DSCAM: variants seen among roughly 807,000 people sequenced by gnomAD.
DSCAM encodes the protein DS cell adhesion molecule.
DSCAM carries 47 observed loss-of-function variants against 217.7 expected under a neutral mutation model. That is an observed-to-expected ratio of 0.22 (90% CI 0.17 to 0.28). The LOEUF (loss-of-function observed/expected upper bound fraction) is 0.28, where lower values mean the gene tolerates loss of function less well. Ranked by LOEUF, DSCAM falls within the 10% of genes least tolerant of loss-of-function variation. DSCAM has a pLI of 1.00. For synonymous variants in DSCAM, 1,056 were observed against 1,015.3 expected (o/e 1.04, Z -0.76); for missense variants, 2,080 against 2,618.3 (o/e 0.79, Z 4.49).
At chr21:40,251,696 A>C (rs973089139) in intron 11 of DSCAM, among the ~76,000 whole-genome samples, 1 of 152,134 alleles carries the variant, frequency 6.6e-6, no homozygotes, top group African/African-American at 2.4e-5. Context: ...GGAATCTCCT[A>C]TTCTTGAGTG....
rs114575732 is a variant in DSCAM at position 40,161,116 on chromosome 21, G to A, written c.3018+6102C>T. On this transcript the variant is annotated intron_variant, in intron 16 of 32. Coordinates refer to ENST00000400454, the MANE Select transcript of DSCAM (RefSeq NM_001389.5). ...TTGCAAATGCAGCCAGCATTTTCCT[G>A]GCTGCGCTCTAGGCTGGAAACCAAG... Among the ~76,000 whole-genome samples, 738 of 152,208 alleles carry A rather than the reference G, an allele frequency of 4.8e-3. 6 individuals carry two copies. The highest frequency in any genetic ancestry group is 0.017 in the African/African-American group (717 of 41,538).
chr21:40,467,230 T>C (rs2075852557), intron 3 of DSCAM, among the ~76,000 whole-genome samples: 1 of 152,234 alleles, frequency 6.6e-6, no homozygotes. Flanking sequence ...AGAAACAATT[T>C]TATTTGCCTT....
chr21:40,102,183 C>A (rs532277446), intron 20 of DSCAM, among the ~76,000 whole-genome samples: 1 of 152,172 alleles, frequency 6.6e-6, no homozygotes, highest in African/African-American at 2.4e-5. Context: ...TAAAACCAAC[C>A]CTGTCATAGT....
chr21:40,793,402 T>C (rs2091664148), intron 1 of DSCAM, among the ~76,000 whole-genome samples: 1 of 152,228 alleles, frequency 6.6e-6, no homozygotes, highest in African/African-American at 2.4e-5. Flanking sequence ...CAGGATACTC[T>C]TGTCTTGGGT....
rs563745606 is a variant in DSCAM, at chr21:40,047,720, A to G, written c.5186-3445T>C. Among the ~76,000 whole-genome samples the G allele has an allele frequency of 3.2e-4, 48 of 152,294 alleles. 1 individual carries two copies. Among genetic ancestry groups the G allele is most frequent in the African/African-American group, 1.0e-3 (43 of 41,550 alleles). On this transcript the variant is annotated intron_variant, in intron 30 of 32. Coordinates refer to ENST00000400454, the MANE Select transcript of DSCAM (RefSeq NM_001389.5). Reference sequence around the variant, plus strand: ...AACGAATTTACTAGTTGTCTCAGAGAGAGGATGAAACTGGGAGATCTGAAC... The same window carrying G: ...AACGAATTTACTAGTTGTCTCAGAGGGAGGATGAAACTGGGAGATCTGAAC...
At chr21:40,429,934 A>G (rs1489035767) in intron 3 of DSCAM, among the ~76,000 whole-genome samples, 1 of 152,192 alleles carries the variant, frequency 6.6e-6, no homozygotes, top group Non-Finnish European at 1.5e-5. Context: ...AAAGTTACTA[A>G]TATCTCCTTA....
At chr21:40,731,614 C>T (rs76987845) in intron 1 of DSCAM, among the ~76,000 whole-genome samples, 3,854 of 152,146 alleles carry the variant, frequency 0.025, 171 homozygotes, top group African/African-American at 0.086. Context: ...TGTATGTTCA[C>T]ATTCCCCTTT....
At chr21:40,678,637 C>T (rs116179324) in intron 3 of DSCAM, among the ~76,000 whole-genome samples, 1,844 of 152,266 alleles carry the variant, frequency 0.012, 25 homozygotes, top group South Asian at 0.052. Flanking sequence ...CCTGAAGCTT[C>T]TCCACACAGA....
intron 11 of DSCAM, among the ~76,000 whole-genome samples, chr21:40,229,589 T>C (rs1033912787): frequency 2.6e-5 from 4 of 152,218 alleles, no homozygotes; most frequent in African/African-American, 4.8e-5. Flanking sequence ...CAGAATGTCA[T>C]AAAAATGGAG....
chr21:40,762,090 A>C (rs188983654), intron 1 of DSCAM, among the ~76,000 whole-genome samples: 4 of 152,344 alleles, frequency 2.6e-5, no homozygotes, highest in Admixed American at 1.3e-4. Flanking sequence ...ACCTAGCAGA[A>C]GACAAGAAAT....
intron 3 of DSCAM, among the ~76,000 whole-genome samples, chr21:40,433,131 G>A (rs1040229531): frequency 6.6e-6 from 1 of 151,842 alleles, no homozygotes; most frequent in African/African-American, 2.4e-5. Flanking sequence ...GGCTGAGGTG[G>A]GTGAATCACG....
intron 3 of DSCAM, among the ~76,000 whole-genome samples, chr21:40,657,432 T>C (rs1429111009): frequency 6.6e-6 from 1 of 152,134 alleles, no homozygotes; most frequent in Non-Finnish European, 1.5e-5. Context: ...TTTTAAAATG[T>C]AAAAGGAGTA....
At chr21:40,459,043 T>A (rs1234324017) in intron 3 of DSCAM, among the ~76,000 whole-genome samples, 2 of 151,538 alleles carry the variant, frequency 1.3e-5, no homozygotes, top group Non-Finnish European at 2.9e-5. Flanking sequence ...TGAAAATAAA[T>A]GACATAAGCA....
In DSCAM at chr21:40,298,028, T is replaced by C. The variant is rs377323535; in HGVS notation, c.2063-1854A>G. ...AAAAGTTCTCAGAACTGTGGAGATA[T>C]TAACTGCTGTAAGAGTGTTGATTAA... On this transcript the variant is annotated intron_variant, in intron 9 of 32. Coordinates refer to ENST00000400454, the MANE Select transcript of DSCAM (RefSeq NM_001389.5). 4.2e-4 allele frequency among the ~76,000 whole-genome samples: 64 copies of C among 152,256 alleles called. No individual in the cohort carries two copies. The South Asian group carries it at 0.011, about 25-fold the overall frequency.
chr21:40,181,925 G>T (rs1324090216), intron 14 of DSCAM, among the ~76,000 whole-genome samples: 1 of 151,946 alleles, frequency 6.6e-6, no homozygotes. Context: ...AGGGAGACTG[G>T]TGGTGTAGGA....
At chr21:40,066,524 C>T (rs2089209713) in intron 27 of DSCAM, among the ~76,000 whole-genome samples, 1 of 152,200 alleles carries the variant, frequency 6.6e-6, no homozygotes, top group Admixed American at 6.5e-5. Context: ...TAAAATGAGG[C>T]TGAGAAAGAC....
intron 20 of DSCAM, among the ~76,000 whole-genome samples, chr21:40,122,281 G>T (rs16999315): frequency 0.019 from 2,828 of 152,186 alleles, 81 homozygotes; most frequent in African/African-American, 0.058. Flanking sequence ...AAGCCAGGTA[G>T]GGATTTTTAG....
chr21:40,042,732 G>A (rs564757038), intron 31 of DSCAM, 59 bp from the exon 32 acceptor site: 45 of 1,489,368 alleles, frequency 3.0e-5, no homozygotes, highest in African/African-American at 2.3e-4. Context: ...CTGAACCAAC[G>A]GCATGGCCCT....
At chr21:40,167,881 C>T (rs563580991) in intron 15 of DSCAM, among the ~76,000 whole-genome samples, 6 of 152,166 alleles carry the variant, frequency 3.9e-5, no homozygotes, top group South Asian at 2.1e-4. Flanking sequence ...CTGGCTAACA[C>T]GATGAAACCC....
Sources: gnomAD v4.1 joint callset for allele counts (sites outside exome capture counted in the v4.1 genomes callset) on GRCh38, gnomAD v4.1.1 for gene constraint, MANE v1.5 for transcripts, NCBI Gene and HGNC (gene_info 2026-07-23, HGNC 2026-07-21) for gene names.